DLGAP2: variants seen among roughly 807,000 people sequenced by gnomAD.
The protein encoded by DLGAP2 is disks large-associated protein 2.
In DLGAP2, 26 loss-of-function variants were observed where a neutral mutation model predicts 100.3. That is an observed-to-expected ratio of 0.26 (90% CI 0.19 to 0.36). The LOEUF is 0.36. Ranked by LOEUF, DLGAP2 falls within the 10% of genes least tolerant of loss-of-function variation. DLGAP2 has a pLI of 1.00. For synonymous variants in DLGAP2, 886 were observed against 630.1 expected (o/e 1.41, Z -6.08); for missense variants, 1,858 against 1,453.2 (o/e 1.28, Z -4.53).
At chr8:1,087,844 C>T (rs554188433) in intron 2 of DLGAP2, among the ~76,000 whole-genome samples, 7 of 152,252 alleles carry the variant, frequency 4.6e-5, no homozygotes, top group Non-Finnish European at 8.8e-5. Flanking sequence ...GGCTTGCCAT[C>T]AGCACACAGT....
chr8:1,091,655 G>A (rs1804185840), intron 2 of DLGAP2, among the ~76,000 whole-genome samples: 1 of 152,136 alleles, frequency 6.6e-6, no homozygotes, highest in African/African-American at 2.4e-5. Flanking sequence ...GCATCATGAT[G>A]CCGGATGCTA....
At chr8:1,533,220 C>T (rs1156612702) in intron 4 of DLGAP2, among the ~76,000 whole-genome samples, 2 of 151,924 alleles carry the variant, frequency 1.3e-5, no homozygotes, top group African/African-American at 4.8e-5. Context: ...GTTTTTCAAC[C>T]GGGCGCAGTG....
At chr8:1,031,657 C>G (rs1801975761) in intron 2 of DLGAP2, among the ~76,000 whole-genome samples, 1 of 151,950 alleles carries the variant, frequency 6.6e-6, no homozygotes, top group Non-Finnish European at 1.5e-5. Context: ...TATAAAGTGA[C>G]AGGATTAAAT....
In DLGAP2 at chr8:905,766, C is replaced by T. The variant is rs561919943; in HGVS notation, c.19-2146C>T. Among the ~76,000 whole-genome samples, 26 of 152,296 alleles carry T rather than the reference C, an allele frequency of 1.7e-4. No homozygotes were observed. In the East Asian group the frequency reaches 3.3e-3, roughly 19 times the overall value. ...ATGGAGGTGACATTCTGGGCTGGTC[C>T]TGCTGTGGCAGACCATAGCTTGGGG... On this transcript the variant is annotated intron_variant, in intron 1 of 14. Coordinates refer to ENST00000637795, the MANE Select transcript of DLGAP2 (RefSeq NM_001346810.2).
chr8:897,569 G>C lies in DLGAP2; in HGVS notation c.19-10343G>C, dbSNP rs961864214. Among the ~76,000 whole-genome samples, 4 of 152,202 alleles carry C rather than the reference G, an allele frequency of 2.6e-5. No individual in the cohort carries two copies. In the South Asian group the frequency reaches 6.2e-4, roughly 24 times the overall value. ...CATGGGCGCCCGGTAAGAAGCCGAG[G>C]AGTCACGGGGGTGTGTGCGAGCGCG... is the stretch of plus-strand genomic sequence containing the variant. On this transcript the variant is annotated intron_variant, in intron 1 of 14. Coordinates refer to ENST00000637795, the MANE Select transcript of DLGAP2 (RefSeq NM_001346810.2).
intron 2 of DLGAP2, among the ~76,000 whole-genome samples, chr8:1,231,044 G>C (rs1039753183): frequency 6.6e-6 from 1 of 152,130 alleles, no homozygotes; most frequent in Non-Finnish European, 1.5e-5. Context: ...TGCATAGCAA[G>C]AGAAACTATC....
chr8:1,674,553 T>G (rs150396586), intron 10 of DLGAP2, among the ~76,000 whole-genome samples: 97 of 152,360 alleles, frequency 6.4e-4, no homozygotes, highest in African/African-American at 2.3e-3. Flanking sequence ...ACAAATATTC[T>G]CCACATTTTT....
At chr8:859,694 C>G (rs1057494643) in intron 1 of DLGAP2, among the ~76,000 whole-genome samples, 1 of 152,076 alleles carries the variant, frequency 6.6e-6, no homozygotes, top group African/African-American at 2.4e-5. Flanking sequence ...CAAAGCAGAA[C>G]GAGAAGTTGT....
intron 10 of DLGAP2, 144 bp downstream of exon 10, chr8:1,669,928 C>T: frequency 1.5e-6 from 1 of 678,850 alleles, no homozygotes; most frequent in East Asian, 2.7e-5. Context: ...ATCTGTCCCC[C>T]TTAGATGAGG....
intron 2 of DLGAP2, among the ~76,000 whole-genome samples, chr8:1,077,789 C>T (rs954021415): frequency 6.6e-6 from 1 of 152,174 alleles, no homozygotes; most frequent in Non-Finnish European, 1.5e-5. Context: ...TATCAAACTC[C>T]CCTTTTCCAC....
intron 1 of DLGAP2, among the ~76,000 whole-genome samples, chr8:900,696 C>G (rs1798235316): frequency 1.3e-5 from 2 of 152,162 alleles, no homozygotes; most frequent in South Asian, 4.1e-4. Context: ...GAGGCGGCTG[C>G]AGCCCGAAAG....
At chr8:1,067,314 G>A (rs1042815278) in intron 2 of DLGAP2, among the ~76,000 whole-genome samples, 2 of 152,212 alleles carry the variant, frequency 1.3e-5, no homozygotes, top group Non-Finnish European at 2.9e-5. Context: ...CCCTCCTAGC[G>A]CTTTTGCTTT....
chr8:1,438,989 C>T (rs1042183440), intron 3 of DLGAP2, among the ~76,000 whole-genome samples: 3 of 152,060 alleles, frequency 2.0e-5, no homozygotes, highest in Non-Finnish European at 4.4e-5. Context: ...ATAATAGCTT[C>T]TTATGAAGAA....
chr8:1,497,077 G>A (rs926320494), intron 3 of DLGAP2, among the ~76,000 whole-genome samples: 18 of 152,186 alleles, frequency 1.2e-4, no homozygotes, highest in African/African-American at 4.3e-4. Context: ...CCTAAAGTAC[G>A]TTCTGCCAGA....
At chr8:889,628 C>T (rs978892237) in intron 1 of DLGAP2, among the ~76,000 whole-genome samples, 2 of 152,236 alleles carry the variant, frequency 1.3e-5, no homozygotes, top group South Asian at 4.1e-4. Context: ...AGCCATTCAG[C>T]TTCCCTGGCT....
At chr8:1,379,018 A>G (rs1047126184) in intron 3 of DLGAP2, among the ~76,000 whole-genome samples, 1 of 152,256 alleles carries the variant, frequency 6.6e-6, no homozygotes, top group Non-Finnish European at 1.5e-5. Context: ...TGGGCTATGG[A>G]TAAAGCTTCT....
At chr8:1,679,381 G>A (rs1251588005) in intron 12 of DLGAP2, among the ~76,000 whole-genome samples, 3 of 83,346 alleles carry the variant, frequency 3.6e-5, no homozygotes, top group Admixed American at 1.3e-4. Flanking sequence ...TTCCTCTACG[G>A]GAGTCACCAC....
At chr8:1,111,948 C>G (rs1176694996) in intron 2 of DLGAP2, among the ~76,000 whole-genome samples, 1 of 152,114 alleles carries the variant, frequency 6.6e-6, no homozygotes, top group African/African-American at 2.4e-5. Context: ...GGTTGAATGG[C>G]AGTTCTGCTT....
chr8:1,370,099 C>T (rs951469700), intron 3 of DLGAP2, among the ~76,000 whole-genome samples: 2 of 152,200 alleles, frequency 1.3e-5, no homozygotes, highest in African/African-American at 2.4e-5. Context: ...GGCAGCTTTT[C>T]TCCCACAGGT....
Sources: gnomAD v4.1 joint callset for allele counts (sites outside exome capture counted in the v4.1 genomes callset) on GRCh38, gnomAD v4.1.1 for gene constraint, MANE v1.5 for transcripts, NCBI Gene and HGNC (gene_info 2026-07-23, HGNC 2026-07-21) for gene names.